The following ASXL2 variants were observed in gnomAD, a reference collection of about 807,000 sequenced individuals.
ASXL2 encodes the protein ASXL transcriptional regulator 2, also known as putative Polycomb group protein ASXL2.
Under a neutral mutation model 122.0 loss-of-function variants are expected in ASXL2, and 23 were observed. That is an observed-to-expected ratio of 0.19 (90% CI 0.14 to 0.27). The LOEUF (loss-of-function observed/expected upper bound fraction) is 0.27. ASXL2 is among the 10% of genes least tolerant of loss of function. The pLI is 1.00. For missense variants in ASXL2, 1,518 were observed against 1,713.8 expected, an observed-to-expected ratio of 0.89 and a Z score of 2.02; for synonymous variants, 650 against 637.0, an observed-to-expected ratio of 1.02 and a Z score of -0.31.
intron 5 of ASXL2, among the ~76,000 whole-genome samples, chr2:25,790,800 CTTTTTTT>C (rs35046164): frequency 3.7e-5 from 4 of 108,854 alleles, no homozygotes; most frequent in Non-Finnish European, 7.3e-5. Flanking sequence ...AGTTTTTTGT[CTTTTTTT>C]TTTTTTTTTT....
At chr2:25,845,061 A>G (rs1469255907) in intron 2 of ASXL2, among the ~76,000 whole-genome samples, 1 of 152,170 alleles carries the variant, frequency 6.6e-6, no homozygotes, top group Non-Finnish European at 1.5e-5. Flanking sequence ...ATACTGCTTT[A>G]CAGTTCTTTT....
At chr2:25,754,268 C>T (rs1490479332) in intron 10 of ASXL2, among the ~76,000 whole-genome samples, 8 of 152,208 alleles carry the variant, frequency 5.3e-5, no homozygotes, top group South Asian at 2.1e-4. Context: ...ATACTACCAA[C>T]CACCTCAATC....
intron 1 of ASXL2, among the ~76,000 whole-genome samples, chr2:25,858,965 C>T (rs1390171333): frequency 1.3e-5 from 2 of 151,618 alleles, no homozygotes; most frequent in African/African-American, 2.4e-5. Context: ...AGGCGCCTGC[C>T]ACCACACCCA....
At chr2:25,773,285 T>C (rs759081352) in intron 5 of ASXL2, among the ~76,000 whole-genome samples, 2 of 151,888 alleles carry the variant, frequency 1.3e-5, no homozygotes, top group Non-Finnish European at 2.9e-5. Flanking sequence ...AAGTATATAA[T>C]TTATATATGG....
intron 2 of ASXL2, among the ~76,000 whole-genome samples, chr2:25,836,872 G>A (rs903845778): frequency 5.9e-5 from 9 of 151,938 alleles, no homozygotes; most frequent in Non-Finnish European, 1.0e-4. Context: ...ATAAATTCAC[G>A]AACAAATAAT....
intron 5 of ASXL2, among the ~76,000 whole-genome samples, chr2:25,792,975 G>T (rs1011662314): frequency 1.3e-5 from 2 of 151,766 alleles, no homozygotes; most frequent in Non-Finnish European, 2.9e-5. Context: ...ATTTTAGGCC[G>T]GGCGTGGCGG....
chr2:25,833,343 C>G (rs541106536), intron 3 of ASXL2, among the ~76,000 whole-genome samples: 1 of 152,250 alleles, frequency 6.6e-6, no homozygotes, highest in Non-Finnish European at 1.5e-5. Context: ...CTATAGTGAG[C>G]AATGGACAGC....
chr2:25,762,959 A>T (rs1407929451), intron 8 of ASXL2, among the ~76,000 whole-genome samples: 1 of 152,204 alleles, frequency 6.6e-6, no homozygotes, highest in East Asian at 1.9e-4. Context: ...ATCGAATGAA[A>T]GATACTTTTA....
chr2:25,742,649 T>A lies in ASXL2; in HGVS notation c.3688A>T (p.Asn1230Tyr). 1 of 1,614,014 alleles carries A rather than the reference T, an allele frequency of 6.2e-7. No homozygotes were observed. The highest frequency in any genetic ancestry group is 8.5e-7 in the Non-Finnish European group (1 of 1,179,896). ...TTCAATGGTATCTCAGCCTTCACAT[T>A]CTTGCTAGCTAAGCAATCACTGGTA... is the stretch of plus-strand genomic sequence containing the variant. ...LSTSDCLASK[N>Y]VKAEIPLNEQ... The change falls in exon 13 of 13, where the codon AAT becomes TAT. Residue 1230 changes from asparagine (N) to tyrosine (Y), a missense_variant. Around this residue, in one of 8 missense-constraint regions of ASXL2, gnomAD observed 831 missense variants for 833.1 expected, o/e 1.00. Coordinates refer to ENST00000435504, the MANE Select transcript of ASXL2 (RefSeq NM_018263.6).
At chr2:25,771,346 T>A in intron 6 of ASXL2, 94 bp downstream of exon 6, 1 of 1,145,318 alleles carries the variant, frequency 8.7e-7, no homozygotes, top group South Asian at 1.7e-5. Context: ...GGGCCCAATG[T>A]AAAAAATTTT....
intron 5 of ASXL2, among the ~76,000 whole-genome samples, chr2:25,778,000 C>T (rs1178233161): frequency 2.6e-5 from 4 of 152,150 alleles, no homozygotes; most frequent in African/African-American, 7.2e-5. Context: ...CTAAGTTTTA[C>T]ATATCAGGAA....
intron 5 of ASXL2, among the ~76,000 whole-genome samples, chr2:25,782,669 C>T (rs533947964): frequency 6.6e-6 from 1 of 152,216 alleles, no homozygotes; most frequent in African/African-American, 2.4e-5. Flanking sequence ...CCTTAAGACA[C>T]TGGTTTCTCA....
At chr2:25,799,314 A>C (rs2088960037) in intron 5 of ASXL2, 71 bp downstream of exon 5, 2 of 1,604,696 alleles carry the variant, frequency 1.2e-6, no homozygotes, top group Non-Finnish European at 1.7e-6. Flanking sequence ...AGTCTGGGAA[A>C]AGAGGAACTA....
At chr2:25,790,333 G>C (rs1335330244) in intron 5 of ASXL2, among the ~76,000 whole-genome samples, 3 of 131,460 alleles carry the variant, frequency 2.3e-5, no homozygotes, top group African/African-American at 5.6e-5. Flanking sequence ...GGGGTGGGGG[G>C]GGTGTGAGAA....
chr2:25,842,792 GTA>G (rs753934368), intron 2 of ASXL2, among the ~76,000 whole-genome samples: 1,853 of 95,350 alleles, frequency 0.019, 12 homozygotes, highest in African/African-American at 0.029. Flanking sequence ...GTGTGTGTGT[GTA>G]TATATATATA....
At chr2:25,822,665 A>T (rs1238017902) in intron 3 of ASXL2, 19 of 648,176 alleles carry the variant, frequency 2.9e-5, no homozygotes, top group South Asian at 1.4e-4. Context: ...TTCCAAGCAT[A>T]AAAAAAACGG....
chr2:25,768,920 A>AT, intron 6 of ASXL2, 52 bp from the exon 7 acceptor site: 1 of 1,568,390 alleles, frequency 6.4e-7, no homozygotes, highest in Non-Finnish European at 8.7e-7. Flanking sequence ...TTTTTTAGTA[A>AT]TAATATAAAT....
chr2:25,783,514 T>A (rs1387910192), intron 5 of ASXL2, among the ~76,000 whole-genome samples: 2 of 152,078 alleles, frequency 1.3e-5, no homozygotes, highest in Admixed American at 6.5e-5. Context: ...CCATTTTTTT[T>A]ATTATAAATT....
Position 25,856,657 on chromosome 2 carries a change from G to A in ASXL2, c.58-11094C>T. 3.2e-6 allele frequency: 4 copies of A among 1,261,778 alleles called. No homozygotes were observed. In the South Asian group the frequency reaches 4.8e-5, roughly 15 times the overall value. 78.2% of individuals were successfully genotyped at this position (1,261,778 alleles called of 1,614,324 possible). A position where few individuals can be genotyped will look rare whatever the true frequency, so the allele number is the denominator to read the frequency against. On this transcript the variant is annotated intron_variant, in intron 1 of 12. Coordinates refer to ENST00000435504, the MANE Select transcript of ASXL2 (RefSeq NM_018263.6). ...ATGTCCTCAGTCTCCCCAGAGTGGTGGCTCACCATCAACCCTCAGCCGTTA... is the reference window on the plus strand; with the variant it reads ...ATGTCCTCAGTCTCCCCAGAGTGGTAGCTCACCATCAACCCTCAGCCGTTA...
Sources: allele counts gnomAD v4.1 joint callset (sites outside exome capture counted in the v4.1 genomes callset), GRCh38; gene constraint gnomAD v4.1.1; regional missense constraint gnomAD v4.1.1; transcripts MANE v1.5; gene names NCBI Gene and HGNC (gene_info 2026-07-23, HGNC 2026-07-21).